The following LRRTM4 variants were observed in gnomAD, a reference collection of about 807,000 sequenced individuals.
The protein encoded by LRRTM4 is leucine-rich repeat transmembrane neuronal protein 4.
In LRRTM4, 25 loss-of-function variants were observed where a neutral mutation model predicts 47.6. The observed-to-expected ratio is 0.53, with a 90% confidence interval of 0.38 to 0.73. LRRTM4 has a LOEUF of 0.73. Among genes scored for constraint, LRRTM4 ranks in the 30% least tolerant of loss-of-function variants. The probability of loss-of-function intolerance (pLI) is 0.00; values close to 1 mark genes in which losing one functional copy is unlikely to be tolerated. For missense variants in LRRTM4, 638 were observed against 713.4 expected (o/e 0.89, Z 1.20); for synonymous variants, 311 against 269.5 (o/e 1.15, Z -1.51).
At chr2:76,946,326 G>T (rs929379987) in intron 3 of LRRTM4, among the ~76,000 whole-genome samples, 2 of 151,894 alleles carry the variant, frequency 1.3e-5, no homozygotes, top group Non-Finnish European at 2.9e-5. Context: ...TAGAGGAAAA[G>T]TCAGAAGCCT....
intron 3 of LRRTM4, among the ~76,000 whole-genome samples, chr2:77,145,697 C>A (rs1437134886): frequency 6.6e-6 from 1 of 151,760 alleles, no homozygotes; most frequent in Non-Finnish European, 1.5e-5. Flanking sequence ...TGGCGTGAAC[C>A]CGGGAGGCGG....
chr2:77,342,807 G>A (rs571615520), intron 3 of LRRTM4, among the ~76,000 whole-genome samples: 52 of 151,360 alleles, frequency 3.4e-4, no homozygotes, highest in Admixed American at 7.3e-4. Context: ...CTGCAAAAGC[G>A]GCTACTCTGT....
At chr2:77,494,639 T>C (rs1573491932) in intron 3 of LRRTM4, among the ~76,000 whole-genome samples, 2 of 152,060 alleles carry the variant, frequency 1.3e-5, no homozygotes, top group South Asian at 4.1e-4. Context: ...TTTTAATAGA[T>C]TTATGGAATT....
intron 3 of LRRTM4, among the ~76,000 whole-genome samples, chr2:76,968,993 G>T (rs926104311): frequency 6.6e-6 from 1 of 151,844 alleles, no homozygotes; most frequent in Non-Finnish European, 1.5e-5. Context: ...AGAGACCGCT[G>T]CCTTTATTGG....
intron 3 of LRRTM4, among the ~76,000 whole-genome samples, chr2:77,203,433 T>A (rs904133193): frequency 1.3e-5 from 2 of 152,008 alleles, no homozygotes; most frequent in African/African-American, 4.8e-5. Context: ...TGACACTGAA[T>A]CCCAGTAGTC....
intron 3 of LRRTM4, among the ~76,000 whole-genome samples, chr2:77,499,814 C>G (rs1411595262): frequency 6.6e-6 from 1 of 151,810 alleles, no homozygotes; most frequent in African/African-American, 2.4e-5. Context: ...ACTTACCTCT[C>G]CTTCCCTGGA....
chr2:76,793,423 C>T (rs1369198061), intron 3 of LRRTM4, among the ~76,000 whole-genome samples: 1 of 151,996 alleles, frequency 6.6e-6, no homozygotes, highest in Non-Finnish European at 1.5e-5. Flanking sequence ...TATCAACTTC[C>T]AAAGCAAAAG....
intron 3 of LRRTM4, among the ~76,000 whole-genome samples, chr2:76,795,123 A>G (rs1675204032): frequency 6.6e-6 from 1 of 152,162 alleles, no homozygotes; most frequent in Non-Finnish European, 1.5e-5. Context: ...GAGATTTACT[A>G]ACAATAATAT....
chr2:77,068,879 C>G (rs192390308), intron 3 of LRRTM4, among the ~76,000 whole-genome samples: 281 of 151,942 alleles, frequency 1.8e-3, no homozygotes, highest in African/African-American at 6.7e-3. Context: ...GCAAGGAACA[C>G]CTGGACCTCC....
In LRRTM4 at chr2:77,165,158, A is replaced by T. The variant is rs1044915605; in HGVS notation, c.1551+353160T>A. Among the ~76,000 whole-genome samples, 122 of 152,284 alleles carry T rather than the reference A, an allele frequency of 8.0e-4. 1 individual carries two copies. The highest frequency in any genetic ancestry group is 2.5e-3 in the African/African-American group (102 of 41,572). On this transcript the variant is annotated intron_variant, in intron 3 of 3. Transcript: ENST00000409884. ...CACCACTGATCACACAGAAATAAGA[A>T]ATACTATCAGAGAATACTATAAACA...
chr2:76,764,661 T>C (rs768609974), intron 3 of LRRTM4, among the ~76,000 whole-genome samples: 32 of 151,832 alleles, frequency 2.1e-4, no homozygotes, highest in Non-Finnish European at 3.1e-4. Flanking sequence ...AACAAAAAAT[T>C]ATATAAACTG....
intron 3 of LRRTM4, among the ~76,000 whole-genome samples, chr2:77,099,855 AAAAAT>A (rs879825005): frequency 4.6e-5 from 7 of 152,136 alleles, no homozygotes; most frequent in Non-Finnish European, 8.8e-5. Context: ...ACATAATTTT[AAAAAT>A]AAAATAATAA....
intron 3 of LRRTM4, among the ~76,000 whole-genome samples, chr2:77,054,113 G>T (rs1215149030): frequency 2.0e-5 from 3 of 151,380 alleles, no homozygotes; most frequent in African/African-American, 7.4e-5. Flanking sequence ...TCCAAAACAT[G>T]GGGAAACCAC....
chr2:76,961,809 A>C (rs1006287469), intron 3 of LRRTM4, among the ~76,000 whole-genome samples: 2 of 151,358 alleles, frequency 1.3e-5, no homozygotes, highest in African/African-American at 2.4e-5. Flanking sequence ...TATTTTCAAC[A>C]AATTTTAATT....
intron 3 of LRRTM4, among the ~76,000 whole-genome samples, chr2:77,069,405 G>A (rs1305797574): frequency 1.5e-5 from 2 of 134,476 alleles, no homozygotes; most frequent in African/African-American, 6.7e-5. Context: ...TTCACTATGT[G>A]TGTGTGTGTG....
Position 76,748,536 on chromosome 2 carries a change from A to C in LRRTM4, c.*159T>G, listed in dbSNP as rs892953786. ...GCAGGTGCATTCGCTGCCCTCTTCAAGCAGTTTTTTTTTCTCTTTTTCTTT... is the reference window on the plus strand; with the variant it reads ...GCAGGTGCATTCGCTGCCCTCTTCACGCAGTTTTTTTTTCTCTTTTTCTTT... On this transcript the variant is annotated 3_prime_UTR_variant, in exon 4 of 4. Transcript: ENST00000409884. 6.8e-5 allele frequency: 43 copies of C among 627,784 alleles called. No homozygotes were observed. Among genetic ancestry groups the C allele is most frequent in the African/African-American group, 1.9e-5 (1 of 53,900 alleles). 38.9% of individuals were successfully genotyped at this position (627,784 alleles called of 1,614,324 possible). A position where few individuals can be genotyped will look rare whatever the true frequency, so the allele number is the denominator to read the frequency against.
chr2:77,296,681 T>C (rs975960567), intron 3 of LRRTM4, among the ~76,000 whole-genome samples: 4 of 152,170 alleles, frequency 2.6e-5, no homozygotes, highest in African/African-American at 9.7e-5. Flanking sequence ...CATTTTTAAA[T>C]TAGGAACTTT....
chr2:76,828,672 T>A (rs897806927), intron 3 of LRRTM4, among the ~76,000 whole-genome samples: 4 of 151,972 alleles, frequency 2.6e-5, no homozygotes, highest in African/African-American at 9.7e-5. Flanking sequence ...TCTTTGTTTC[T>A]TTACTTGAAA....
intron 3 of LRRTM4, among the ~76,000 whole-genome samples, chr2:76,839,754 A>G (rs1051112624): frequency 1.3e-5 from 2 of 152,262 alleles, no homozygotes; most frequent in South Asian, 4.1e-4. Flanking sequence ...TTTGTTTATG[A>G]TTCTAATACT....
Sources: gnomAD v4.1 joint callset for allele counts (sites outside exome capture counted in the v4.1 genomes callset) on GRCh38, gnomAD v4.1.1 for gene constraint, MANE v1.5 for transcripts, NCBI Gene and HGNC (gene_info 2026-07-23, HGNC 2026-07-21) for gene names.